Variants in TAOK1 observed in about 807,000 individuals in gnomAD.
TAOK1 encodes serine/threonine-protein kinase TAO1.
TAOK1 carries 21 observed loss-of-function variants against 138.3 expected under a neutral mutation model. The observed-to-expected ratio is 0.15, with a 90% CI of 0.11 to 0.22. The LOEUF (loss-of-function observed/expected upper bound fraction) is 0.22. Among genes scored for constraint, TAOK1 ranks in the 10% least tolerant of loss-of-function variants. TAOK1 has a pLI of 1.00. For missense variants in TAOK1, 651 were observed against 1,227.7 expected (o/e 0.53, Z 7.02); for synonymous variants, 361 against 398.4 (o/e 0.91, Z 1.12).
At chr17:29,397,808 T>C (rs577780945) in intron 1 of TAOK1, among the ~76,000 whole-genome samples, 20 of 150,156 alleles carry the variant, frequency 1.3e-4, no homozygotes, top group Non-Finnish European at 2.7e-4. Flanking sequence ...TTCATGTATG[T>C]ATATATGTAT....
chr17:29,449,714 G>T (rs2030185177), intron 1 of TAOK1, among the ~76,000 whole-genome samples: 1 of 152,108 alleles, frequency 6.6e-6, no homozygotes, highest in African/African-American at 2.4e-5. Flanking sequence ...GGTGGTGCGT[G>T]CCTGTAGTCC....
chr17:29,410,300 G>T (rs1471388135), intron 1 of TAOK1, among the ~76,000 whole-genome samples: 1 of 152,100 alleles, frequency 6.6e-6, no homozygotes, highest in Non-Finnish European at 1.5e-5. Context: ...GCCTAAGCTG[G>T]AGCACAATGG....
At chr17:29,465,536 A>G (rs1183833475) in intron 2 of TAOK1, among the ~76,000 whole-genome samples, 2 of 151,942 alleles carry the variant, frequency 1.3e-5, no homozygotes, top group Non-Finnish European at 2.9e-5. Context: ...TTTGAGGTAT[A>G]ATTTACATAC....
intron 1 of TAOK1, among the ~76,000 whole-genome samples, chr17:29,420,737 C>T (rs1905412519): frequency 6.6e-6 from 1 of 151,908 alleles, no homozygotes; most frequent in South Asian, 2.1e-4. Context: ...AGGCATGCGC[C>T]AGCATGCCTG....
At chr17:29,534,095 T>TTC (rs150300324) in intron 18 of TAOK1, 23 bp from the exon 19 acceptor site, 363 of 1,429,020 alleles carry the variant, frequency 2.5e-4, no homozygotes, top group Non-Finnish European at 3.0e-4. Flanking sequence ...TCTTTTTTTT[T>TTC]TCTCTCTCTC....
chr17:29,469,588 G>A (rs1416911842), intron 3 of TAOK1, among the ~76,000 whole-genome samples: 5 of 152,092 alleles, frequency 3.3e-5, no homozygotes, highest in Admixed American at 6.5e-5. Flanking sequence ...CTTATATCAC[G>A]TAACCTAATA....
At position 29,530,368 on chromosome 17, in the gene TAOK1, C is replaced by A. The variant is rs145378265; in HGVS notation, c.2149-39C>A. 4.1e-5 allele frequency: 64 copies of A among 1,572,442 alleles called. No individual in the cohort carries two copies. In the African/African-American group the frequency reaches 8.5e-4, roughly 21 times the overall value. ...AGCATACCATATACCAAATGCCTTT[C>A]GTTACAACTTACATAAATGTATTTT... On this transcript the variant is annotated intron_variant, in intron 17 of 19. Transcript: ENST00000261716.
intron 2 of TAOK1, among the ~76,000 whole-genome samples, chr17:29,458,149 C>T (rs1027797053): frequency 6.6e-6 from 1 of 151,918 alleles, no homozygotes; most frequent in Admixed American, 6.6e-5. Context: ...TATATGATTA[C>T]TCCACAGTTT....
At chr17:29,492,503 CAT>C (rs1353764007) in intron 10 of TAOK1, among the ~76,000 whole-genome samples, 4 of 152,172 alleles carry the variant, frequency 2.6e-5, no homozygotes, top group African/African-American at 7.2e-5. Context: ...GTTGATAAAA[CAT>C]AGCTTAGCCA....
chr17:29,504,343 AAAAGAAAGGAAGGAAGAAAGG>A (rs1471046147), intron 13 of TAOK1, among the ~76,000 whole-genome samples: 2 of 150,516 alleles, frequency 1.3e-5, no homozygotes, highest in African/African-American at 4.9e-5. Context: ...AGAGAGAGAG[AAAAGAAAGGAAGGAAGAAAGG>A]AAAGGAAGGA....
intron 17 of TAOK1, 123 bp downstream of exon 17, chr17:29,522,642 G>A: frequency 1.4e-6 from 2 of 1,402,220 alleles, no homozygotes; most frequent in Non-Finnish European, 1.9e-6. Context: ...TTCATTTTTA[G>A]CATCTTTGGT....
In TAOK1 at chr17:29,534,115, C is replaced by T. The variant is rs374807112; in HGVS notation, c.2362-3C>T. On this transcript the variant is annotated splice_polypyrimidine_tract_variant and splice_region_variant and intron_variant, in intron 18 of 19. Transcript: ENST00000261716. Reference sequence around the variant, plus strand: ...TTTTTTTCTCTCTCTCTCTCTGTCTCAGCTGCGTTTGGATGAAGCACAGGA... The same window carrying T: ...TTTTTTTCTCTCTCTCTCTCTGTCTTAGCTGCGTTTGGATGAAGCACAGGA... The T allele has an allele frequency of 2.5e-6, 4 of 1,596,052 alleles. No homozygotes were observed. In the African/African-American group the frequency reaches 4.1e-5, roughly 16 times the overall value.
intron 1 of TAOK1, among the ~76,000 whole-genome samples, chr17:29,395,323 G>T (rs957988651): frequency 6.6e-6 from 1 of 151,984 alleles, no homozygotes; most frequent in African/African-American, 2.4e-5. Context: ...CTGAGGTCAA[G>T]AGTTCGAAAC....
intron 17 of TAOK1, among the ~76,000 whole-genome samples, chr17:29,528,868 A>G (rs2032057321): frequency 1.4e-5 from 2 of 148,032 alleles, no homozygotes; most frequent in Non-Finnish European, 3.0e-5. Flanking sequence ...AAAAAAAGAA[A>G]TTGCAGCAAA....
At position 29,543,244 on chromosome 17, in the gene TAOK1, AGT is replaced by A. The variant is rs1381354592; in HGVS notation, c.*224_*225del. On this transcript the variant is annotated 3_prime_UTR_variant, in exon 20 of 20. Coordinates refer to ENST00000261716, the MANE Select transcript of TAOK1 (RefSeq NM_020791.4). The stretch of plus-strand genomic sequence containing the variant: ...GTTTGTTTTTGGGGAAATTTTGAAA[AGT>A]GGAGTTGATATTAAAAATAAATGTG... The A allele has an allele frequency of 6.8e-6, 3 of 438,738 alleles. No individual in the cohort carries two copies. The highest frequency in any genetic ancestry group is 3.9e-5 in the African/African-American group (2 of 51,340). The allele number at this position is 438,738 out of a possible 1,614,324, so 27.2% of individuals were successfully genotyped here.
At chr17:29,472,818 C>T (rs376495354) in intron 3 of TAOK1, among the ~76,000 whole-genome samples, 25 of 152,182 alleles carry the variant, frequency 1.6e-4, no homozygotes, top group African/African-American at 5.5e-4. Flanking sequence ...TCAGGTGATC[C>T]GCCCGCCTCG....
At chr17:29,470,996 G>A (rs2030800647) in intron 3 of TAOK1, among the ~76,000 whole-genome samples, 1 of 151,982 alleles carries the variant, frequency 6.6e-6, no homozygotes. Context: ...ATGGTTGCAG[G>A]TGCCTGTAAT....
intron 3 of TAOK1, among the ~76,000 whole-genome samples, chr17:29,472,983 A>G (rs1055858460): frequency 1.3e-5 from 2 of 152,210 alleles, no homozygotes; most frequent in African/African-American, 4.8e-5. Flanking sequence ...ATCTCCTTTT[A>G]TATCTCTATC....
intron 1 of TAOK1, among the ~76,000 whole-genome samples, chr17:29,410,982 T>C (rs1905128395): frequency 6.6e-6 from 1 of 152,032 alleles, no homozygotes; most frequent in Non-Finnish European, 1.5e-5. Flanking sequence ...GGCTGTCTTT[T>C]TCTCTCCCAT....
Sources: gnomAD v4.1 joint callset for allele counts (sites outside exome capture counted in the v4.1 genomes callset) on GRCh38, gnomAD v4.1.1 for gene constraint, MANE v1.5 for transcripts, NCBI Gene and HGNC (gene_info 2026-07-23, HGNC 2026-07-21) for gene names.